Variants in ROPN1 observed in about 807,000 individuals in gnomAD.
ROPN1 encodes the protein rhophilin associated tail protein 1.
In ROPN1, 14 loss-of-function variants were observed where a neutral mutation model predicts 20.5. The observed-to-expected ratio is 0.68, with a 90% confidence interval of 0.45 to 1.07. The LOEUF (loss-of-function observed/expected upper bound fraction) is 1.07, where lower values mean the gene tolerates loss of function less well. Among genes scored for constraint, ROPN1 ranks in the 50% least tolerant of loss-of-function variants. The probability of loss-of-function intolerance (pLI) is 0.00; values close to 1 mark genes in which losing one functional copy is unlikely to be tolerated. For missense variants in ROPN1, 169 were observed against 242.8 expected, an observed-to-expected ratio of 0.70 and a Z score of 2.02; for synonymous variants, 76 against 95.7, an observed-to-expected ratio of 0.79 and a Z score of 1.20.
At chr3:123,983,952 A>G (rs1379290207) in intron 1 of ROPN1, among the ~76,000 whole-genome samples, 1 of 152,224 alleles carries the variant, frequency 6.6e-6, no homozygotes, top group East Asian at 1.9e-4. Context: ...ATAGTCTGAC[A>G]TGGGAGGTGG....
At chr3:123,987,228 C>A (rs1316216437) in intron 1 of ROPN1, among the ~76,000 whole-genome samples, 1 of 152,202 alleles carries the variant, frequency 6.6e-6, no homozygotes, top group Non-Finnish European at 1.5e-5. Context: ...TTCCAGTGGA[C>A]CCTGGTGAGA....
chr3:123,985,867 C>T (rs966282841), intron 1 of ROPN1, among the ~76,000 whole-genome samples: 2 of 151,282 alleles, frequency 1.3e-5, no homozygotes, highest in African/African-American at 4.9e-5. Context: ...CAAAAATTAG[C>T]CGGGCATGGT....
intron 4 of ROPN1, among the ~76,000 whole-genome samples, chr3:123,971,663 G>A (rs938528060): frequency 1.3e-5 from 2 of 152,178 alleles, no homozygotes; most frequent in Admixed American, 6.5e-5. Context: ...GATGAGGTCA[G>A]TGGGAGAATG....
chr3:123,976,816 C>G, intron 3 of ROPN1, 48 bp downstream of exon 3: 2 of 1,572,218 alleles, frequency 1.3e-6, no homozygotes, highest in Non-Finnish European at 8.7e-7. Context: ...CCCACCCAGC[C>G]TCAACACTGT....
Position 123,980,361 on chromosome 3 carries a change from C to T in ROPN1, c.116+5G>A, listed in dbSNP as rs976830570. On this transcript the variant is annotated splice_donor_5th_base_variant and intron_variant, in intron 2 of 5. Transcript: ENST00000405845. Reference sequence around the variant, plus strand: ...AAGGGGTGAAGGCGAGAAAGGAGCACGTACTCGGCTGCCCACTGGATGAGG... The same window carrying T: ...AAGGGGTGAAGGCGAGAAAGGAGCATGTACTCGGCTGCCCACTGGATGAGG... 1.9e-6 allele frequency: 3 copies of T among 1,613,984 alleles called. No individual in the cohort carries two copies. Among genetic ancestry groups the T allele is most frequent in the South Asian group, 1.1e-5 (1 of 91,090 alleles).
rs777327413 is a variant in ROPN1 at position 123,980,406 on chromosome 3, T to C, written c.76A>G (p.Ile26Val). Reference protein sequence around the residue: ...KMLKEFAKAAIRVQPQDLIQW... With the variant: ...KMLKEFAKAAVRVQPQDLIQW... ...ATGAGGTCCTGCGGCTGCACCCTAA[T>C]GGCGGCTTTGGCAAACTCCTTCAGC... The change falls in exon 2 of 6, where the codon ATT becomes GTT. Residue 26 changes from isoleucine (I) to valine (V), a missense_variant. Around this residue, in one of 3 missense-constraint regions of ROPN1, gnomAD observed 84 missense variants for 99.3 expected, o/e 0.85. Coordinates refer to ENST00000405845, the MANE Select transcript of ROPN1 (RefSeq NM_001317774.2). 2.5e-6 allele frequency: 4 copies of C among 1,614,190 alleles called. No homozygotes were observed. In the South Asian group the frequency reaches 3.3e-5, roughly 13 times the overall value.
At chr3:123,983,197 T>C (rs1160359131) in intron 1 of ROPN1, among the ~76,000 whole-genome samples, 1 of 152,242 alleles carries the variant, frequency 6.6e-6, no homozygotes, top group East Asian at 1.9e-4. Context: ...TTCCACATTT[T>C]AGCTATTGTG....
rs201340337 is a variant in ROPN1, at chr3:123,986,018, A to AAAAAAAAAAAAAAAAAAAAAAT, written c.-12-5526_-12-5525insATTTTTTTTTTTTTTTTTTTTT. ...AAAAAAAAAAAAAAAAAAAAAAAAA[A>AAAAAAAAAAAAAAAAAAAAAAT]TCAAAATATTTAAATTATACTTGAA... On this transcript the variant is annotated intron_variant, in intron 1 of 5. Transcript: ENST00000405845. 4.5e-4 allele frequency among the ~76,000 whole-genome samples: 42 copies of AAAAAAAAAAAAAAAAAAAAAAT among 93,984 alleles called. 10 individuals are homozygous for AAAAAAAAAAAAAAAAAAAAAAT. Among genetic ancestry groups the AAAAAAAAAAAAAAAAAAAAAAT allele is most frequent in the East Asian group, 1.9e-3 (4 of 2,060 alleles). The allele number at this position is 93,984 out of a possible 152,430, so 61.7% of individuals were successfully genotyped here.
At chr3:123,986,520 AG>A (rs1219783092) in intron 1 of ROPN1, among the ~76,000 whole-genome samples, 2 of 151,998 alleles carry the variant, frequency 1.3e-5, no homozygotes, top group Non-Finnish European at 2.9e-5. Flanking sequence ...TCCTGCAAGC[AG>A]GGGTGGTTGC....
chr3:123,986,246 C>T (rs1339480417), intron 1 of ROPN1, among the ~76,000 whole-genome samples: 2 of 151,018 alleles, frequency 1.3e-5, no homozygotes, highest in Admixed American at 1.3e-4. Flanking sequence ...TCCTTAAGTA[C>T]TTTATATATA....
At chr3:123,980,907 T>C (rs578119546) in intron 1 of ROPN1, among the ~76,000 whole-genome samples, 6 of 152,328 alleles carry the variant, frequency 3.9e-5, no homozygotes, top group African/African-American at 1.4e-4. Flanking sequence ...GTCCAGCACT[T>C]ATTAGTTGGG....
intron 2 of ROPN1, chr3:123,979,033 A>G: frequency 5.8e-6 from 1 of 170,948 alleles, no homozygotes; most frequent in South Asian, 1.3e-4. Context: ...CTATCTGACT[A>G]TGCCAAAATA....
chr3:123,970,374 G>A (rs1283695025), intron 4 of ROPN1, among the ~76,000 whole-genome samples, 157 bp from the exon 5 acceptor site: 2 of 152,202 alleles, frequency 1.3e-5, no homozygotes, highest in African/African-American at 4.8e-5. Context: ...ACATTCAAAT[G>A]TCACTAATTC....
chr3:123,983,650 A>G (rs1265870090), intron 1 of ROPN1, among the ~76,000 whole-genome samples: 2 of 152,014 alleles, frequency 1.3e-5, no homozygotes, highest in African/African-American at 4.8e-5. Flanking sequence ...TGTCTTTCTC[A>G]GGGGTTGGTC....
chr3:123,985,788 G>A (rs2038237608), intron 1 of ROPN1, among the ~76,000 whole-genome samples: 1 of 151,802 alleles, frequency 6.6e-6, no homozygotes, highest in Non-Finnish European at 1.5e-5. Context: ...GCTGAGGTGG[G>A]CGGATCACTT....
intron 1 of ROPN1, among the ~76,000 whole-genome samples, chr3:123,983,042 C>CT (rs915784442): frequency 9.2e-5 from 14 of 152,050 alleles, no homozygotes; most frequent in African/African-American, 9.6e-5. Flanking sequence ...TCAGAATTTC[C>CT]TTTTTTTTGG....
intron 1 of ROPN1, among the ~76,000 whole-genome samples, chr3:123,986,218 T>C (rs773016483): frequency 1.3e-5 from 2 of 151,182 alleles, no homozygotes; most frequent in Admixed American, 6.6e-5. Context: ...TTTGTTGTAG[T>C]CAAAAAGGCC....
intron 5 of ROPN1, among the ~76,000 whole-genome samples, chr3:123,969,428 C>A (rs1265074650): frequency 6.6e-6 from 1 of 152,164 alleles, no homozygotes; most frequent in Non-Finnish European, 1.5e-5. Flanking sequence ...ACCTCTGCCT[C>A]CTGGGCTCAA....
intron 2 of ROPN1, among the ~76,000 whole-genome samples, chr3:123,978,416 C>T (rs1405414127): frequency 6.6e-6 from 1 of 152,156 alleles, no homozygotes; most frequent in Non-Finnish European, 1.5e-5. Context: ...CACTCATCAC[C>T]AACATCTCTG....
Sources: gnomAD v4.1 joint callset for allele counts (sites outside exome capture counted in the v4.1 genomes callset) on GRCh38, gnomAD v4.1.1 for gene constraint, gnomAD v4.1.1 regional missense constraint, MANE v1.5 for transcripts, NCBI Gene and HGNC (gene_info 2026-07-23, HGNC 2026-07-21) for gene names.